BNC2: variants seen among roughly 807,000 people sequenced by gnomAD.
The protein encoded by BNC2 is zinc finger protein basonuclin-2.
In BNC2, 20 loss-of-function variants were observed where a neutral mutation model predicts 76.3. The ratio of observed to expected loss-of-function variants is 0.26; its 90% CI spans 0.18 to 0.38. The LOEUF (loss-of-function observed/expected upper bound fraction) is 0.38, where lower values mean the gene tolerates loss of function less well. BNC2 is among the 10% of genes least tolerant of loss of function. The probability of loss-of-function intolerance (pLI) is 1.00; values close to 1 mark genes in which losing one functional copy is unlikely to be tolerated. For missense variants in BNC2, 1,382 were observed against 1,399.8 expected (o/e 0.99, Z 0.20); for synonymous variants, 582 against 514.8 (o/e 1.13, Z -1.77).
At chr9:16,800,486 T>G (rs1212868737) in intron 1 of BNC2, among the ~76,000 whole-genome samples, 1 of 151,944 alleles carries the variant, frequency 6.6e-6, no homozygotes, top group Admixed American at 6.6e-5. Context: ...TCAAAAAAAA[T>G]AGAGACTTAA....
chr9:16,729,963 G>A (rs1824459960), intron 2 of BNC2, among the ~76,000 whole-genome samples: 1 of 151,906 alleles, frequency 6.6e-6, no homozygotes, highest in African/African-American at 2.4e-5. Context: ...GTTTTTGCCT[G>A]TGTTCTCTCT....
chr9:16,503,254 G>T (rs866768905), intron 5 of BNC2, among the ~76,000 whole-genome samples: 4 of 151,996 alleles, frequency 2.6e-5, no homozygotes, highest in South Asian at 2.1e-4. Context: ...AGGAACTCTG[G>T]GTATAGCCAA....
intron 5 of BNC2, among the ~76,000 whole-genome samples, chr9:16,549,013 C>T (rs1282300738): frequency 1.3e-5 from 2 of 152,148 alleles, no homozygotes; most frequent in East Asian, 1.9e-4. Flanking sequence ...GATCCTTGAC[C>T]GATGTGCCAG....
intron 5 of BNC2, among the ~76,000 whole-genome samples, chr9:16,478,855 C>T (rs1173515641): frequency 6.6e-6 from 1 of 152,156 alleles, no homozygotes; most frequent in Non-Finnish European, 1.5e-5. Flanking sequence ...GCTCTTCCCG[C>T]TCGGACTAAA....
At chr9:16,546,790 T>A (rs1256654228) in intron 5 of BNC2, among the ~76,000 whole-genome samples, 2 of 152,174 alleles carry the variant, frequency 1.3e-5, no homozygotes, top group African/African-American at 2.4e-5. Flanking sequence ...CCACACTGCA[T>A]CTACAGACTC....
At chr9:16,650,361 G>A (rs553072983) in intron 3 of BNC2, among the ~76,000 whole-genome samples, 1 of 152,182 alleles carries the variant, frequency 6.6e-6, no homozygotes, top group African/African-American at 2.4e-5. Context: ...ACTGGTTAGG[G>A]CATCACTGAT....
intron 3 of BNC2, among the ~76,000 whole-genome samples, chr9:16,669,096 T>C (rs897408413): frequency 1.3e-5 from 2 of 152,206 alleles, no homozygotes; most frequent in Non-Finnish European, 1.5e-5. Context: ...GAGGAAGACT[T>C]ACTGTAAATC....
intron 1 of BNC2, among the ~76,000 whole-genome samples, chr9:16,862,424 T>C (rs188022244): frequency 6.6e-6 from 1 of 152,290 alleles, no homozygotes; most frequent in Admixed American, 6.5e-5. Context: ...GGAAAGGCAC[T>C]TAGAAATTAC....
chr9:16,675,852 C>A (rs568490224), intron 3 of BNC2, among the ~76,000 whole-genome samples: 1 of 152,152 alleles, frequency 6.6e-6, no homozygotes, highest in African/African-American at 2.4e-5. Flanking sequence ...AGTTTGAGAC[C>A]AGCCTGGCCA....
intron 5 of BNC2, among the ~76,000 whole-genome samples, chr9:16,474,277 T>C (rs538550661): frequency 6.6e-6 from 1 of 152,330 alleles, no homozygotes; most frequent in South Asian, 2.1e-4. Flanking sequence ...CAAATCACTA[T>C]ATGTTGTTTT....
chr9:16,673,407 C>T (rs1189013121), intron 3 of BNC2, among the ~76,000 whole-genome samples: 2 of 129,918 alleles, frequency 1.5e-5, no homozygotes, highest in African/African-American at 6.1e-5. Flanking sequence ...AAAGAATAAA[C>T]TCCCAGGGAA....
At chr9:16,614,919 G>A (rs1173633379) in intron 3 of BNC2, among the ~76,000 whole-genome samples, 4 of 145,816 alleles carry the variant, frequency 2.7e-5, no homozygotes, top group Non-Finnish European at 5.9e-5. Flanking sequence ...TCGGGCCACT[G>A]TATTCCAGCT....
chr9:16,789,201 G>T (rs1370936503), intron 1 of BNC2, among the ~76,000 whole-genome samples: 1 of 152,122 alleles, frequency 6.6e-6, no homozygotes, highest in Non-Finnish European at 1.5e-5. Flanking sequence ...GAAAACATCA[G>T]TGGTTGCTAG....
intron 5 of BNC2, among the ~76,000 whole-genome samples, chr9:16,495,170 C>T (rs997126757): frequency 6.6e-6 from 1 of 152,138 alleles, no homozygotes; most frequent in Non-Finnish European, 1.5e-5. Flanking sequence ...GATAAATCAT[C>T]AGCCTCTATC....
chr9:16,484,610 T>G (rs1055313637), intron 5 of BNC2, among the ~76,000 whole-genome samples: 16 of 152,246 alleles, frequency 1.1e-4, no homozygotes, highest in African/African-American at 3.9e-4. Flanking sequence ...CAGAGCTGGC[T>G]GGCATGCAAG....
At chr9:16,826,053 CCT>C (rs1403526367) in intron 1 of BNC2, among the ~76,000 whole-genome samples, 1 of 152,126 alleles carries the variant, frequency 6.6e-6, no homozygotes, top group Non-Finnish European at 1.5e-5. Context: ...ACACAAATCC[CCT>C]GATGGAACTG....
Position 16,686,832 on chromosome 9 carries a change from G to A in BNC2, c.330+40965C>T, listed in dbSNP as rs544434061. ...GAAAAATAAAAGGTACTCGGTCAAC[G>A]CTTCAAACATTTTTAGGTCCAGTTC... On this transcript the variant is annotated intron_variant, in intron 3 of 6. Coordinates refer to ENST00000380672, the MANE Select transcript of BNC2 (RefSeq NM_017637.6). Among the ~76,000 whole-genome samples, 5 of 152,240 alleles carry A rather than the reference G, an allele frequency of 3.3e-5. No individual in the cohort carries two copies. The South Asian group carries it at 6.2e-4, about 19-fold the overall frequency.
intron 3 of BNC2, among the ~76,000 whole-genome samples, chr9:16,723,745 G>C (rs912301520): frequency 6.6e-6 from 1 of 151,964 alleles, no homozygotes; most frequent in Non-Finnish European, 1.5e-5. Flanking sequence ...GTGAGCAGAC[G>C]CTCTGGTATT....
intron 3 of BNC2, among the ~76,000 whole-genome samples, chr9:16,698,744 C>T (rs537865982): frequency 6.6e-6 from 1 of 151,944 alleles, no homozygotes; most frequent in East Asian, 1.9e-4. Context: ...TGGAAAGATA[C>T]TTAGGATAAC....
Sources: allele counts gnomAD v4.1 joint callset (sites outside exome capture counted in the v4.1 genomes callset), GRCh38; gene constraint gnomAD v4.1.1; transcripts MANE v1.5; gene names NCBI Gene and HGNC (gene_info 2026-07-23, HGNC 2026-07-21).